Variants in EBF1 observed in about 807,000 individuals in gnomAD.
The protein encoded by EBF1 is transcription factor COE1.
A neutral mutation model predicts 68.4 loss-of-function variants in EBF1; 10 were observed. The observed-to-expected ratio is 0.15, with a 90% CI of 0.09 to 0.25. EBF1 has a LOEUF of 0.25. Ranked by LOEUF, EBF1 falls within the 10% of genes least tolerant of loss-of-function variation. EBF1 has a pLI of 1.00. For missense variants in EBF1, 509 were observed against 794.4 expected, an observed-to-expected ratio of 0.64 and a Z score of 4.32; for synonymous variants, 298 against 299.8, an observed-to-expected ratio of 0.99 and a Z score of 0.06.
intron 15 of EBF1, among the ~76,000 whole-genome samples, 157 bp downstream of exon 15, chr5:158,707,822 G>A (rs1391167265): frequency 6.6e-6 from 1 of 152,244 alleles, no homozygotes; most frequent in African/African-American, 2.4e-5. Flanking sequence ...CAGGGTTGAG[G>A]AGAGCAAATA....
At chr5:158,801,667 T>TA (rs11290189) in intron 8 of EBF1, among the ~76,000 whole-genome samples, 2,920 of 128,220 alleles carry the variant, frequency 0.023, 50 homozygotes, top group African/African-American at 0.046. Flanking sequence ...AGGGAAGAAT[T>TA]AAAAAAAAAA....
chr5:158,747,026 T>C (rs962385901), intron 10 of EBF1, among the ~76,000 whole-genome samples: 3 of 152,218 alleles, frequency 2.0e-5, no homozygotes, highest in African/African-American at 4.8e-5. Context: ...TTTAACAGTG[T>C]GATCTTGATG....
chr5:158,716,613 C>A (rs575978139), intron 11 of EBF1, among the ~76,000 whole-genome samples: 22 of 152,266 alleles, frequency 1.4e-4, no homozygotes, highest in Middle Eastern at 3.4e-3. Context: ...TGTGATTTGG[C>A]TTCTATTAGG....
rs1302776542 is a variant in EBF1, at chr5:159,094,738, T to C, written c.411+882A>G. 2.0e-5 allele frequency among the ~76,000 whole-genome samples: 3 copies of C among 152,322 alleles called. No homozygotes were observed. In the East Asian group the frequency reaches 5.8e-4, roughly 29 times the overall value. On this transcript the variant is annotated intron_variant, in intron 4 of 15. Transcript: ENST00000313708. ...GATAACTTTTTTCTTTGTTCTAATT[T>C]CTTTCCCCCACCCAATAAAGCTGTC...
intron 6 of EBF1, among the ~76,000 whole-genome samples, chr5:159,068,481 G>A (rs1452442875): frequency 6.6e-6 from 1 of 152,052 alleles, no homozygotes; most frequent in Non-Finnish European, 1.5e-5. Flanking sequence ...GGGCATATAT[G>A]TTATATAAAT....
chr5:159,064,184 ATG>A (rs1393135824), intron 6 of EBF1, among the ~76,000 whole-genome samples: 32 of 152,288 alleles, frequency 2.1e-4, no homozygotes, highest in Admixed American at 1.8e-3. Flanking sequence ...GTTTATATAT[ATG>A]TGTGTGTATA....
chr5:158,999,035 A>T (rs1030486308), intron 6 of EBF1, among the ~76,000 whole-genome samples: 1 of 152,186 alleles, frequency 6.6e-6, no homozygotes, highest in African/African-American at 2.4e-5. Context: ...ATTGCAGTGA[A>T]TGAACCTCAA....
chr5:158,831,247 G>A (rs551985096), intron 7 of EBF1, among the ~76,000 whole-genome samples: 1 of 152,240 alleles, frequency 6.6e-6, no homozygotes, highest in East Asian at 1.9e-4. Flanking sequence ...TACGGACATG[G>A]AAATCAGGAG....
chr5:158,711,007 G>T (rs1182787718), intron 14 of EBF1, among the ~76,000 whole-genome samples: 4 of 152,192 alleles, frequency 2.6e-5, no homozygotes, highest in Admixed American at 2.6e-4. Flanking sequence ...GTTCTCTGAG[G>T]TTCTTTAGAA....
Position 158,911,704 on chromosome 5 carries a change from C to A in EBF1, c.555-71594G>T, listed in dbSNP as rs1806012945. ...TTTCACCTTGCCCTGGAATGGGATT[C>A]CTTGAGTAGGAGAGTATACCCACCA... On this transcript the variant is annotated intron_variant, in intron 6 of 15. Coordinates refer to ENST00000313708, the MANE Select transcript of EBF1 (RefSeq NM_024007.5). 2.0e-5 allele frequency among the ~76,000 whole-genome samples: 3 copies of A among 152,190 alleles called. No individual in the cohort carries two copies. The South Asian group carries it at 6.2e-4, about 31-fold the overall frequency.
chr5:158,745,968 A>G (rs1767473276), intron 10 of EBF1, among the ~76,000 whole-genome samples: 1 of 151,868 alleles, frequency 6.6e-6, no homozygotes, highest in African/African-American at 2.4e-5. Context: ...GGAGTGAAAG[A>G]GAGGCTTAGC....
chr5:158,759,926 C>CA (rs373242312), intron 10 of EBF1, among the ~76,000 whole-genome samples: 9,998 of 148,084 alleles, frequency 0.068, 437 homozygotes, highest in Non-Finnish European at 0.09. Flanking sequence ...CCCTCCCCTC[C>CA]AAAAAAAAAA....
At chr5:158,786,785 A>C (rs1280477713) in intron 9 of EBF1, among the ~76,000 whole-genome samples, 1 of 152,226 alleles carries the variant, frequency 6.6e-6, no homozygotes, top group Admixed American at 6.5e-5. Flanking sequence ...GCTTGTTATC[A>C]ACATTGGCAA....
At chr5:159,013,882 C>T (rs1401657132) in intron 6 of EBF1, among the ~76,000 whole-genome samples, 1 of 152,180 alleles carries the variant, frequency 6.6e-6, no homozygotes, top group Non-Finnish European at 1.5e-5. Flanking sequence ...GTTCCAACTT[C>T]TGGCTGAAAA....
intron 14 of EBF1, among the ~76,000 whole-genome samples, chr5:158,709,894 C>T (rs2127480395): frequency 6.6e-6 from 1 of 152,208 alleles, no homozygotes; most frequent in East Asian, 1.9e-4. Flanking sequence ...CAATTAATCT[C>T]ATTGGCAAAT....
At chr5:159,095,481 C>T (rs2128005852) in intron 4 of EBF1, 139 bp downstream of exon 4, 4 of 868,226 alleles carry the variant, frequency 4.6e-6, no homozygotes, top group East Asian at 5.2e-5. Flanking sequence ...ACTGGAAGGC[C>T]GTGCAAGTTT....
intron 10 of EBF1, among the ~76,000 whole-genome samples, chr5:158,743,441 C>T (rs1766868739): frequency 6.6e-6 from 1 of 152,078 alleles, no homozygotes; most frequent in Non-Finnish European, 1.5e-5. Flanking sequence ...TGGTGCCTTG[C>T]TAAGAGCAGG....
At chr5:158,780,045 T>A (rs1322470602) in intron 9 of EBF1, among the ~76,000 whole-genome samples, 1 of 152,152 alleles carries the variant, frequency 6.6e-6, no homozygotes, top group Non-Finnish European at 1.5e-5. Flanking sequence ...CTGGGAAGAA[T>A]CTCTAGCATT....
chr5:158,853,684 G>C (rs959884648), intron 6 of EBF1, among the ~76,000 whole-genome samples: 10 of 152,064 alleles, frequency 6.6e-5, no homozygotes, highest in African/African-American at 2.2e-4. Context: ...ATGTAAGAGA[G>C]AGAATATTCA....
Sources: allele counts gnomAD v4.1 joint callset (sites outside exome capture counted in the v4.1 genomes callset), GRCh38; gene constraint gnomAD v4.1.1; transcripts MANE v1.5; gene names NCBI Gene and HGNC (gene_info 2026-07-23, HGNC 2026-07-21).